The following EPHB1 variants were observed in gnomAD, a reference collection of about 807,000 sequenced individuals.
EPHB1 encodes the protein ephrin type-B receptor 1.
EPHB1 carries 30 observed loss-of-function variants against 94.4 expected under a neutral mutation model. That is an observed-to-expected ratio of 0.32 (90% CI 0.24 to 0.43). The LOEUF (loss-of-function observed/expected upper bound fraction) is 0.43. Among genes scored for constraint, EPHB1 ranks in the 20% least tolerant of loss-of-function variants. The probability of loss-of-function intolerance (pLI) is 1.00; values close to 1 mark genes in which losing one functional copy is unlikely to be tolerated. For synonymous variants in EPHB1, 522 were observed against 489.1 expected, an observed-to-expected ratio of 1.07 and a Z score of -0.89; for missense variants, 1,055 against 1,308.3, an observed-to-expected ratio of 0.81 and a Z score of 2.99.
rs895093398 is a variant in EPHB1, at chr3:135,167,019, C to T, written c.1759+13C>T. 1.2e-6 allele frequency: 2 copies of T among 1,613,924 alleles called. No homozygotes were observed. The highest frequency in any genetic ancestry group is 1.7e-6 in the Non-Finnish European group (2 of 1,179,860). On this transcript the variant is annotated intron_variant, in intron 9 of 15. Transcript: ENST00000398015. ...AGCACAGGCCGAGGTAAGTAGAAAG[C>T]AGAGACCCGGTGTCTGACCCCCACA...
intron 11 of EPHB1, among the ~76,000 whole-genome samples, chr3:135,200,232 C>T (rs913396364): frequency 2.0e-5 from 3 of 152,176 alleles, no homozygotes; most frequent in African/African-American, 7.2e-5. Context: ...AGTCAAGACC[C>T]AGGAGCCTTG....
At position 134,969,082 on chromosome 3, in the gene EPHB1, G is replaced by A. The variant is rs115950928; in HGVS notation, c.805+17030G>A. Among the ~76,000 whole-genome samples, 358 of 152,274 alleles carry A rather than the reference G, an allele frequency of 2.4e-3. 2 individuals carry two copies. Among genetic ancestry groups the A allele is most frequent in the African/African-American group, 8.3e-3 (345 of 41,550 alleles). Reference sequence around the variant, plus strand: ...TCATATGGAAATTGTATGTTTAACTGCTAGATCAGTTTTCAGGGTGCCTGT... The same window carrying A: ...TCATATGGAAATTGTATGTTTAACTACTAGATCAGTTTTCAGGGTGCCTGT... On this transcript the variant is annotated intron_variant, in intron 3 of 15. Coordinates refer to ENST00000398015, the MANE Select transcript of EPHB1 (RefSeq NM_004441.5).
At chr3:135,041,479 T>C (rs923308013) in intron 3 of EPHB1, among the ~76,000 whole-genome samples, 9 of 152,146 alleles carry the variant, frequency 5.9e-5, no homozygotes, top group African/African-American at 2.2e-4. Flanking sequence ...AACCCCATGG[T>C]CTCACTCTCT....
chr3:135,065,613 A>G (rs1025844468), intron 3 of EPHB1, among the ~76,000 whole-genome samples: 1 of 152,148 alleles, frequency 6.6e-6, no homozygotes, highest in African/African-American at 2.4e-5. Context: ...AAGGCAGCAG[A>G]TAGTTGGTTG....
Position 134,914,827 on chromosome 3 carries a change from C to A in EPHB1, c.59-10989C>A, listed in dbSNP as rs575329310. ...AGGACATGGGGAGGGAGCCATCTTC[C>A]CAGAACTAGGCAAGGGCTGCAGCTA... On this transcript the variant is annotated intron_variant, in intron 1 of 15. Coordinates refer to ENST00000398015, the MANE Select transcript of EPHB1 (RefSeq NM_004441.5). Among the ~76,000 whole-genome samples, 5 of 152,228 alleles carry A rather than the reference C, an allele frequency of 3.3e-5. No homozygotes were observed. In the East Asian group the frequency reaches 9.6e-4, roughly 29 times the overall value.
At chr3:135,162,248 G>T in intron 7 of EPHB1, 68 bp downstream of exon 7, 1 of 1,462,068 alleles carries the variant, frequency 6.8e-7, no homozygotes, top group Non-Finnish European at 9.1e-7. Flanking sequence ...TAGCCCCAAA[G>T]ATGCTGCACT....
chr3:134,970,545 C>G (rs1178685706), intron 3 of EPHB1, among the ~76,000 whole-genome samples: 1 of 152,146 alleles, frequency 6.6e-6, no homozygotes, highest in African/African-American at 2.4e-5. Flanking sequence ...TTGTCTGTCT[C>G]TCCTCACTAG....
chr3:134,960,806 A>G lies in EPHB1; in HGVS notation c.805+8754A>G, dbSNP rs189924423. On this transcript the variant is annotated intron_variant, in intron 3 of 15. Coordinates refer to ENST00000398015, the MANE Select transcript of EPHB1 (RefSeq NM_004441.5). ...AAACCCAGCCCTGATGAATCTTTTCATTGAGGATAGGACCTAGTTCATTAG... is the reference window on the plus strand; with the variant it reads ...AAACCCAGCCCTGATGAATCTTTTCGTTGAGGATAGGACCTAGTTCATTAG... 1.8e-4 allele frequency among the ~76,000 whole-genome samples: 27 copies of G among 152,346 alleles called. No homozygotes were observed. In the East Asian group the frequency reaches 5.2e-3, roughly 29 times the overall value.
At chr3:135,129,252 G>A (rs2107685918) in intron 4 of EPHB1, among the ~76,000 whole-genome samples, 1 of 152,216 alleles carries the variant, frequency 6.6e-6, no homozygotes, top group South Asian at 2.1e-4. Context: ...TGAGCAGCTG[G>A]GAGTAAATGA....
chr3:134,871,546 G>A (rs995032920), intron 1 of EPHB1, among the ~76,000 whole-genome samples: 1 of 152,084 alleles, frequency 6.6e-6, no homozygotes, highest in African/African-American at 2.4e-5. Flanking sequence ...TAATAATAAT[G>A]ACCATATTCA....
chr3:135,079,629 G>T (rs931427471), intron 3 of EPHB1, among the ~76,000 whole-genome samples: 3 of 152,072 alleles, frequency 2.0e-5, no homozygotes, highest in African/African-American at 4.8e-5. Flanking sequence ...GAGCTCCCTC[G>T]TGGCAGCTCT....
At chr3:135,027,010 CTGTT>C (rs1476117486) in intron 3 of EPHB1, among the ~76,000 whole-genome samples, 27 of 126,150 alleles carry the variant, frequency 2.1e-4, no homozygotes, top group African/African-American at 6.9e-4. Flanking sequence ...ATTTGGCTCT[CTGTT>C]TGTCTGTTGT....
At chr3:134,822,861 G>C (rs563652837) in intron 1 of EPHB1, among the ~76,000 whole-genome samples, 53 of 152,296 alleles carry the variant, frequency 3.5e-4, no homozygotes, top group Non-Finnish European at 5.6e-4. Context: ...CTTTGGCTTG[G>C]CATAAACGAA....
At chr3:134,826,004 G>A (rs940521266) in intron 1 of EPHB1, among the ~76,000 whole-genome samples, 11 of 151,728 alleles carry the variant, frequency 7.2e-5, no homozygotes, top group Admixed American at 2.0e-4. Flanking sequence ...CACTTTGGGA[G>A]GCTGAGGCAG....
At chr3:135,041,971 G>A (rs1936860277) in intron 3 of EPHB1, among the ~76,000 whole-genome samples, 1 of 152,158 alleles carries the variant, frequency 6.6e-6, no homozygotes, top group Admixed American at 6.5e-5. Context: ...GTCTCACTCT[G>A]TCACCTAGGG....
intron 4 of EPHB1, among the ~76,000 whole-genome samples, chr3:135,112,629 G>A (rs984724883): frequency 1.4e-5 from 2 of 147,908 alleles, no homozygotes; most frequent in Non-Finnish European, 3.0e-5. Context: ...TCTGAGTGAG[G>A]ACATGCGGTG....
At chr3:135,218,384 T>C (rs1044753289) in intron 12 of EPHB1, among the ~76,000 whole-genome samples, 1 of 152,248 alleles carries the variant, frequency 6.6e-6, no homozygotes, top group African/African-American at 2.4e-5. Context: ...TATCAGGCCC[T>C]GACTGAAATT....
chr3:134,935,857 C>T (rs979152968), intron 2 of EPHB1, among the ~76,000 whole-genome samples: 9 of 152,146 alleles, frequency 5.9e-5, no homozygotes, highest in Admixed American at 3.3e-4. Flanking sequence ...CTAATCATCA[C>T]GATTAATTAC....
chr3:135,025,406 C>G (rs1237143735), intron 3 of EPHB1, among the ~76,000 whole-genome samples: 1 of 92,970 alleles, frequency 1.1e-5, no homozygotes, highest in Non-Finnish European at 2.1e-5. Flanking sequence ...GTTCCCCTTC[C>G]TGTGTCCATG....
Sources: gnomAD v4.1 joint callset for allele counts (sites outside exome capture counted in the v4.1 genomes callset) on GRCh38, gnomAD v4.1.1 for gene constraint, MANE v1.5 for transcripts, NCBI Gene and HGNC (gene_info 2026-07-23, HGNC 2026-07-21) for gene names.